Variants in ASTN2 observed in about 807,000 individuals in gnomAD.
ASTN2 encodes the protein astrotactin 2, also known as astrotactin-2.
In ASTN2, 54 loss-of-function variants were observed where a neutral mutation model predicts 139.8. That is an observed-to-expected ratio of 0.39 (90% CI 0.31 to 0.48). ASTN2 has a LOEUF of 0.48. Among genes scored for constraint, ASTN2 ranks in the 20% least tolerant of loss-of-function variants. The pLI is 0.95. For synonymous variants in ASTN2, 756 were observed against 719.5 expected (o/e 1.05, Z -0.81); for missense variants, 1,565 against 1,725.1 (o/e 0.91, Z 1.64).
chr9:116,519,412 G>A (rs1850778459), intron 19 of ASTN2, among the ~76,000 whole-genome samples: 1 of 151,798 alleles, frequency 6.6e-6, no homozygotes, highest in African/African-American at 2.4e-5. Flanking sequence ...ATGATCATTG[G>A]GTCAACAATG....
intron 1 of ASTN2, among the ~76,000 whole-genome samples, chr9:117,381,959 G>C (rs918684545): frequency 3.9e-5 from 6 of 152,164 alleles, no homozygotes; most frequent in African/African-American, 1.4e-4. Context: ...TTCACAGGGA[G>C]AATAGAGGTC....
intron 19 of ASTN2, among the ~76,000 whole-genome samples, chr9:116,570,411 C>T (rs1334143925): frequency 6.6e-6 from 1 of 150,924 alleles, no homozygotes; most frequent in Non-Finnish European, 1.5e-5. Flanking sequence ...TTTTTTGAGA[C>T]AGAATCTCAC....
At chr9:117,011,046 AC>A (rs1477337886) in intron 6 of ASTN2, among the ~76,000 whole-genome samples, 8 of 152,130 alleles carry the variant, frequency 5.3e-5, no homozygotes, top group African/African-American at 1.7e-4. Context: ...CTGACTGGAA[AC>A]CTGAGTGCAG....
intron 19 of ASTN2, among the ~76,000 whole-genome samples, chr9:116,549,028 T>C (rs991872068): frequency 6.6e-6 from 1 of 152,004 alleles, no homozygotes; most frequent in Non-Finnish European, 1.5e-5. Flanking sequence ...TGGGTTTTGG[T>C]CTTTAAAGTA....
Position 116,665,589 on chromosome 9 carries a change from A to T in ASTN2, c.2807-13796T>A, listed in dbSNP as rs148659084. 4.6e-3 allele frequency among the ~76,000 whole-genome samples: 698 copies of T among 152,298 alleles called. 3 individuals are homozygous for T. The highest frequency in any genetic ancestry group is 0.016 in the African/African-American group (666 of 41,568). On this transcript the variant is annotated intron_variant, in intron 16 of 22. Coordinates refer to ENST00000313400, the MANE Select transcript of ASTN2 (RefSeq NM_001365068.1). ...TATTTTTCATTAAAAGGAACAAAGG[A>T]TACTTGGAAAAATTCCTGAATCCAA... is the stretch of plus-strand genomic sequence containing the variant.
At chr9:117,311,906 G>C (rs1196188419) in intron 1 of ASTN2, among the ~76,000 whole-genome samples, 1 of 152,122 alleles carries the variant, frequency 6.6e-6, no homozygotes, top group Admixed American at 6.6e-5. Flanking sequence ...GGAAGAACAA[G>C]TCCAAAGGAA....
chr9:116,854,996 G>T (rs373547030), intron 11 of ASTN2, among the ~76,000 whole-genome samples: 1 of 151,818 alleles, frequency 6.6e-6, no homozygotes, highest in East Asian at 1.9e-4. Flanking sequence ...AGGAATCAAA[G>T]GGTAAAACCC....
chr9:117,256,536 C>T (rs916998209), intron 2 of ASTN2, among the ~76,000 whole-genome samples: 2 of 152,120 alleles, frequency 1.3e-5, no homozygotes, highest in African/African-American at 4.8e-5. Flanking sequence ...CAATCAATGA[C>T]TAGAAGAGGC....
intron 10 of ASTN2, among the ~76,000 whole-genome samples, chr9:116,955,820 G>C (rs7044421): frequency 0.17 from 25,161 of 152,042 alleles, 2,337 homozygotes; most frequent in African/African-American, 0.24. Flanking sequence ...TTTTTTTTCA[G>C]TGTACTGTGT....
intron 1 of ASTN2, among the ~76,000 whole-genome samples, chr9:117,336,265 G>T (rs1014310885): frequency 6.6e-6 from 1 of 152,130 alleles, no homozygotes; most frequent in African/African-American, 2.4e-5. Context: ...ATAATCCTTT[G>T]TAAGATGTCA....
chr9:116,971,193 C>G (rs962178474), intron 10 of ASTN2, among the ~76,000 whole-genome samples: 2 of 152,152 alleles, frequency 1.3e-5, no homozygotes, highest in Admixed American at 6.5e-5. Flanking sequence ...ATTTGCTCTT[C>G]CACCTTTGTA....
chr9:117,055,210 C>T (rs1314391561), intron 5 of ASTN2, among the ~76,000 whole-genome samples: 1 of 152,210 alleles, frequency 6.6e-6, no homozygotes, highest in Non-Finnish European at 1.5e-5. Flanking sequence ...CATTCATTTA[C>T]TTTGACAACA....
intron 3 of ASTN2, among the ~76,000 whole-genome samples, chr9:117,182,144 C>T (rs114483278): frequency 1.8e-3 from 273 of 152,210 alleles, no homozygotes; most frequent in African/African-American, 6.2e-3. Flanking sequence ...GCTCTCTCTC[C>T]CCTGCCCACA....
At chr9:116,896,724 G>T (rs993478267) in intron 10 of ASTN2, among the ~76,000 whole-genome samples, 3 of 152,140 alleles carry the variant, frequency 2.0e-5, no homozygotes, top group African/African-American at 7.2e-5. Flanking sequence ...AAGCAGGGAC[G>T]TCTCACATGG....
chr9:117,018,175 T>G (rs1275849447), intron 6 of ASTN2, among the ~76,000 whole-genome samples: 1 of 152,054 alleles, frequency 6.6e-6, no homozygotes, highest in Non-Finnish European at 1.5e-5. Context: ...GTGCAATACC[T>G]TTGGAATGAA....
At chr9:117,311,409 C>A (rs570060644) in intron 1 of ASTN2, among the ~76,000 whole-genome samples, 1 of 152,088 alleles carries the variant, frequency 6.6e-6, no homozygotes, top group African/African-American at 2.4e-5. Flanking sequence ...GTTATTCTGG[C>A]TCCTAGGACC....
chr9:116,751,628 A>AAAAT (rs1829406241), intron 13 of ASTN2, among the ~76,000 whole-genome samples: 1 of 152,086 alleles, frequency 6.6e-6, no homozygotes, highest in South Asian at 2.1e-4. Flanking sequence ...AATCCACAAC[A>AAAAT]AAATACTGCT....
chr9:116,611,744 A>C (rs10739469), intron 19 of ASTN2: 2 of 151,934 alleles, frequency 1.3e-5, no homozygotes, highest in African/African-American at 4.8e-5. Flanking sequence ...CTATTAAATA[A>C]CTAAATTAGT....
intron 22 of ASTN2, among the ~76,000 whole-genome samples, chr9:116,430,046 C>G (rs1233149727): frequency 6.6e-6 from 1 of 152,154 alleles, no homozygotes; most frequent in Non-Finnish European, 1.5e-5. Flanking sequence ...TGGCAGGGAT[C>G]AGACCAGGCA....
Sources: gnomAD v4.1 joint callset for allele counts (sites outside exome capture counted in the v4.1 genomes callset) on GRCh38, gnomAD v4.1.1 for gene constraint, MANE v1.5 for transcripts, NCBI Gene and HGNC (gene_info 2026-07-23, HGNC 2026-07-21) for gene names.